LRRC7: variants seen among roughly 807,000 people sequenced by gnomAD.
LRRC7 encodes leucine-rich repeat-containing protein 7.
A neutral mutation model predicts 175.7 loss-of-function variants in LRRC7; 23 were observed. The observed-to-expected ratio is 0.13, with a 90% confidence interval of 0.09 to 0.19. The LOEUF (loss-of-function observed/expected upper bound fraction) is 0.19, where lower values mean the gene tolerates loss of function less well. Ranked by LOEUF, LRRC7 falls within the 10% of genes least tolerant of loss-of-function variation. LRRC7 has a pLI of 1.00. For synonymous variants in LRRC7, 685 were observed against 680.9 expected, an observed-to-expected ratio of 1.01 and a Z score of -0.09; for missense variants, 1,354 against 1,904.7, an observed-to-expected ratio of 0.71 and a Z score of 5.38.
intron 25 of LRRC7, among the ~76,000 whole-genome samples, chr1:70,106,325 A>T (rs1380290772): frequency 6.6e-6 from 1 of 152,156 alleles, no homozygotes; most frequent in Non-Finnish European, 1.5e-5. Flanking sequence ...GGCAAATGCT[A>T]ATCTGCTCTC....
intron 4 of LRRC7, among the ~76,000 whole-genome samples, chr1:69,803,726 T>C (rs991496057): frequency 1.3e-5 from 2 of 151,294 alleles, no homozygotes; most frequent in Admixed American, 6.6e-5. Context: ...TCTTCTTGAG[T>C]CCGTTTTTCA....
At chr1:69,635,334 A>AT (rs1249941833) in intron 1 of LRRC7, among the ~76,000 whole-genome samples, 1 of 152,148 alleles carries the variant, frequency 6.6e-6, no homozygotes, top group Non-Finnish European at 1.5e-5. Context: ...TGATTAATCC[A>AT]TAACTACCAA....
In LRRC7 at chr1:69,601,324, A is replaced by G. The variant is rs201482845; in HGVS notation, c.2+32683A>G. Among the ~76,000 whole-genome samples, 21 of 152,046 alleles carry G rather than the reference A, an allele frequency of 1.4e-4. No individual in the cohort carries two copies. The East Asian group carries it at 3.9e-3, about 28-fold the overall frequency. The stretch of plus-strand genomic sequence containing the variant: ...CTGTATCAGCCAAACATGAGTTCAT[A>G]CTCTTTCCAACTCTAATCCATTACT... On this transcript the variant is annotated intron_variant, in intron 1 of 26. Coordinates refer to ENST00000651989, the MANE Select transcript of LRRC7 (RefSeq NM_001370785.2).
At chr1:70,005,139 T>C (rs1454244887) in intron 11 of LRRC7, among the ~76,000 whole-genome samples, 1 of 152,092 alleles carries the variant, frequency 6.6e-6, no homozygotes, top group African/African-American at 2.4e-5. Flanking sequence ...TGAAACTCTA[T>C]ATGTTAGATG....
intron 2 of LRRC7, among the ~76,000 whole-genome samples, chr1:69,703,294 G>T (rs747944967): frequency 6.6e-6 from 1 of 151,120 alleles, no homozygotes; most frequent in Non-Finnish European, 1.5e-5. Flanking sequence ...TACTTTCAAC[G>T]ATTGTTCAAT....
At chr1:70,085,232 C>T (rs917093197) in intron 24 of LRRC7, among the ~76,000 whole-genome samples, 1 of 152,042 alleles carries the variant, frequency 6.6e-6, no homozygotes, top group African/African-American at 2.4e-5. Flanking sequence ...AACTTTACTC[C>T]TTTTGTATTT....
intron 3 of LRRC7, 47 bp from the exon 4 acceptor site, chr1:69,791,996 G>T: frequency 8.1e-7 from 1 of 1,237,918 alleles, no homozygotes; most frequent in East Asian, 2.3e-5. Context: ...GTTTATGAAT[G>T]AATTTAACCA....
Position 69,831,423 on chromosome 1 carries a change from A to G in LRRC7, c.501-3357A>G, listed in dbSNP as rs368638474. Among the ~76,000 whole-genome samples, 107 of 152,174 alleles carry G rather than the reference A, an allele frequency of 7.0e-4. 2 individuals are homozygous for G. The South Asian group carries it at 0.02, about 28-fold the overall frequency. On this transcript the variant is annotated intron_variant, in intron 5 of 26. Transcript: ENST00000651989. ...ACACAGAGAAAATTAATGACCTACC[A>G]TAGACTTTCATTTCTATAAGATCAA...
intron 7 of LRRC7, among the ~76,000 whole-genome samples, chr1:69,889,737 G>C (rs1261155300): frequency 2.0e-5 from 3 of 152,162 alleles, no homozygotes; most frequent in Non-Finnish European, 4.4e-5. Flanking sequence ...AGCCTGGCTG[G>C]TTAAGGCTTC....
chr1:69,924,867 T>G (rs1570676590), intron 7 of LRRC7, among the ~76,000 whole-genome samples: 1 of 152,226 alleles, frequency 6.6e-6, no homozygotes, highest in East Asian at 1.9e-4. Flanking sequence ...AGGGCATCCC[T>G]GTCTTGTGCC....
At chr1:69,712,218 G>A (rs1191539763) in intron 2 of LRRC7, among the ~76,000 whole-genome samples, 1 of 140,906 alleles carries the variant, frequency 7.1e-6, no homozygotes, top group African/African-American at 2.7e-5. Context: ...GAGGACAGTG[G>A]TAGCACTGAG....
At chr1:70,061,046 G>A (rs756776779) in intron 23 of LRRC7, among the ~76,000 whole-genome samples, 1 of 151,756 alleles carries the variant, frequency 6.6e-6, no homozygotes, top group Non-Finnish European at 1.5e-5. Flanking sequence ...CTCTTTCCTG[G>A]TTCTCTTTCC....
chr1:69,924,552 C>T (rs998609339), intron 7 of LRRC7, among the ~76,000 whole-genome samples: 108 of 152,084 alleles, frequency 7.1e-4, no homozygotes, highest in Non-Finnish European at 1.3e-3. Flanking sequence ...TTTTATTCTC[C>T]TTGAAGCAAT....
chr1:69,994,201 G>A (rs939934406), intron 10 of LRRC7, among the ~76,000 whole-genome samples: 1 of 152,096 alleles, frequency 6.6e-6, no homozygotes, highest in African/African-American at 2.4e-5. Flanking sequence ...TACTGCTTAG[G>A]AACTAATTAA....
At chr1:69,802,052 T>C (rs1427671533) in intron 4 of LRRC7, among the ~76,000 whole-genome samples, 1 of 151,616 alleles carries the variant, frequency 6.6e-6, no homozygotes, top group Non-Finnish European at 1.5e-5. Context: ...TATTGATTTC[T>C]AGTTTTATTC....
At chr1:69,851,822 C>T (rs746484472) in intron 7 of LRRC7, among the ~76,000 whole-genome samples, 1 of 152,254 alleles carries the variant, frequency 6.6e-6, no homozygotes, top group Non-Finnish European at 1.5e-5. Flanking sequence ...GTTAGGCAAT[C>T]TTCTTCAGAA....
At chr1:69,711,031 T>C (rs1198659566) in intron 2 of LRRC7, among the ~76,000 whole-genome samples, 2 of 152,178 alleles carry the variant, frequency 1.3e-5, no homozygotes, top group Non-Finnish European at 2.9e-5. Flanking sequence ...CAGTGTTGAG[T>C]GTATGGCCTC....
intron 2 of LRRC7, among the ~76,000 whole-genome samples, chr1:69,700,911 TTGCATGTCAGACAACCCG>T (rs1443294868): frequency 1.3e-5 from 2 of 152,154 alleles, no homozygotes; most frequent in Admixed American, 1.3e-4. Context: ...GAAGAAATCC[TTGCATGTCAGACAACCCG>T]TCAGTAGTCC....
chr1:69,602,318 A>G (rs1370593246), intron 1 of LRRC7, among the ~76,000 whole-genome samples: 1 of 152,276 alleles, frequency 6.6e-6, no homozygotes, highest in Admixed American at 6.5e-5. Context: ...ACAGCAGTGC[A>G]TGGTTGACTG....
Sources: gnomAD v4.1 joint callset for allele counts (sites outside exome capture counted in the v4.1 genomes callset) on GRCh38, gnomAD v4.1.1 for gene constraint, MANE v1.5 for transcripts, NCBI Gene and HGNC (gene_info 2026-07-23, HGNC 2026-07-21) for gene names.